LY75: variants seen among roughly 807,000 people sequenced by gnomAD.
LY75 encodes the protein lymphocyte antigen 75, also known as C-type lectin domain family 13 member B.
In LY75, 185 loss-of-function variants were observed where a neutral mutation model predicts 231.7. The observed-to-expected ratio is 0.80, with a 90% CI of 0.71 to 0.90. The LOEUF (loss-of-function observed/expected upper bound fraction) is 0.90, where lower values mean the gene tolerates loss of function less well. Among genes scored for constraint, LY75 ranks in the 40% least tolerant of loss-of-function variants. LY75 has a pLI of 0.00. For synonymous variants in LY75, 668 were observed against 689.0 expected (o/e 0.97, Z 0.48); for missense variants, 1,947 against 2,050.2 (o/e 0.95, Z 0.97).
chr2:159,883,898 C>T (rs184560739), intron 6 of LY75, among the ~76,000 whole-genome samples: 22 of 152,228 alleles, frequency 1.4e-4, no homozygotes, highest in African/African-American at 5.1e-4. Flanking sequence ...GCTTTATTCC[C>T]TTCACTCACA....
chr2:159,872,321 C>T lies in LY75; in HGVS notation c.2117+130G>A, dbSNP rs1043980529. The T allele has an allele frequency of 3.3e-6, 4 of 1,223,550 alleles. No homozygotes were observed. In the African/African-American group the frequency reaches 6.1e-5, roughly 19 times the overall value. The allele number at this position is 1,223,550 out of a possible 1,614,324, so 75.8% of individuals were successfully genotyped here. A position where few individuals can be genotyped will look rare whatever the true frequency, so the allele number is the denominator to read the frequency against. Reference sequence around the variant, plus strand: ...TTAATGTTCCATGACTGCTAAGCACCAAATGACCTTTTAGATAATAAAACA... The same window carrying T: ...TTAATGTTCCATGACTGCTAAGCACTAAATGACCTTTTAGATAATAAAACA... On this transcript the variant is annotated intron_variant, in intron 13 of 34. Transcript: ENST00000263636.
At chr2:159,830,743 G>C (rs1239168927) in intron 28 of LY75, among the ~76,000 whole-genome samples, 1 of 151,948 alleles carries the variant, frequency 6.6e-6, no homozygotes, top group Non-Finnish European at 1.5e-5. Context: ...CACCATGCCT[G>C]GCTAATTTTT....
At chr2:159,880,921 C>A (rs569186261) in intron 8 of LY75, among the ~76,000 whole-genome samples, 162 bp downstream of exon 8, 1 of 152,322 alleles carries the variant, frequency 6.6e-6, no homozygotes, top group East Asian at 1.9e-4. Context: ...TGCTGTGCGG[C>A]CCAATTCTTA....
At chr2:159,887,201 AGAGT>A (rs1329050466) in intron 4 of LY75, among the ~76,000 whole-genome samples, 1 of 123,908 alleles carries the variant, frequency 8.1e-6, no homozygotes, top group Non-Finnish European at 1.7e-5. Context: ...ATACAGAATG[AGAGT>A]GAGAGTCACA....
chr2:159,842,941 T>C (rs1457420396), intron 23 of LY75, among the ~76,000 whole-genome samples: 3 of 146,112 alleles, frequency 2.1e-5, no homozygotes, highest in East Asian at 1.9e-4. Context: ...AGTAAGTTTA[T>C]ACCAGGAGAT....
At chr2:159,855,161 T>G in intron 16 of LY75, among the ~76,000 whole-genome samples, 1 of 152,146 alleles carries the variant, frequency 6.6e-6, no homozygotes, top group East Asian at 1.9e-4. Flanking sequence ...TAAATATTAA[T>G]GAAGTATTTC....
rs1305630484 is a variant in LY75, at chr2:159,864,932, G to A, written c.2118-12C>T. ...GCCAATGCTGGCCACTATGTAAAAA[G>A]CAAGTGTTAAAAATACAGGACAATG... On this transcript the variant is annotated splice_polypyrimidine_tract_variant and intron_variant, in intron 13 of 34. Coordinates refer to ENST00000263636, the MANE Select transcript of LY75 (RefSeq NM_002349.4). 1 of 1,592,270 alleles carries A rather than the reference G, an allele frequency of 6.3e-7. No individual in the cohort carries two copies. The highest frequency in any genetic ancestry group is 8.5e-7 in the Non-Finnish European group (1 of 1,171,334).
chr2:159,852,601 T>C (rs1489379222), intron 20 of LY75, among the ~76,000 whole-genome samples: 1 of 152,004 alleles, frequency 6.6e-6, no homozygotes, highest in African/African-American at 2.4e-5. Flanking sequence ...GTATTTTTAG[T>C]AGAGACAGGG....
At chr2:159,886,299 G>A in intron 5 of LY75, 121 bp downstream of exon 5, 1 of 1,092,408 alleles carries the variant, frequency 9.2e-7, no homozygotes, top group Non-Finnish European at 1.2e-6. Context: ...AAATTCTTCT[G>A]AGAGGTAACC....
chr2:159,849,899 G>C, intron 23 of LY75, 81 bp downstream of exon 23: 20 of 1,523,280 alleles, frequency 1.3e-5, no homozygotes, highest in Non-Finnish European at 1.8e-5. Context: ...ATACAGTGGG[G>C]TTTTGCTTAG....
rs760587004 is a variant in LY75 at position 159,881,196 on chromosome 2, G to GCC, written c.1290_1291insGG (p.Pro431GlyfsTer15). The GCC allele has an allele frequency of 5.0e-6, 8 of 1,613,598 alleles. No individual in the cohort carries two copies. In the Admixed American group the frequency reaches 1.3e-4, roughly 27 times the overall value. On this transcript the variant is annotated frameshift_variant, in exon 8 of 35. Transcript: ENST00000263636. LOFTEE classifies it high-confidence loss of function. ...CCATCTGACCACTGAAATAAAGTTG[G>GCC]TATGTTTATGTTCTTAAGGCCTATC...
rs537750849 is a variant in LY75, at chr2:159,867,793, T to A, written c.2118-2873A>T. 3.9e-5 allele frequency among the ~76,000 whole-genome samples: 6 copies of A among 152,352 alleles called. No homozygotes were observed. The South Asian group carries it at 6.2e-4, about 16-fold the overall frequency. ...AACAAGGCTTTCTTCTCTAATCCTA[T>A]GGCTATTTTTGCCCTACAGTGGCTG... is the stretch of plus-strand genomic sequence containing the variant. On this transcript the variant is annotated intron_variant, in intron 13 of 34. Transcript: ENST00000263636.
chr2:159,818,294 C>G (rs1683183494), intron 29 of LY75, among the ~76,000 whole-genome samples: 1 of 152,148 alleles, frequency 6.6e-6, no homozygotes, highest in African/African-American at 2.4e-5. Context: ...TACCTTGGGC[C>G]AGGTGGCCAG....
chr2:159,823,583 CA>C (rs1483548736), intron 28 of LY75, among the ~76,000 whole-genome samples: 2 of 152,122 alleles, frequency 1.3e-5, no homozygotes, highest in Non-Finnish European at 2.9e-5. Context: ...CACTGAAATT[CA>C]GAAGACACAG....
Position 159,864,855 on chromosome 2 carries a change from C to T in LY75, c.2183G>A (p.Trp728Ter), listed in dbSNP as rs755140611. 1.0e-5 allele frequency: 16 copies of T among 1,603,352 alleles called. No homozygotes were observed. The South Asian group carries it at 1.8e-4, about 18-fold the overall frequency. ...TTAACTTACTGGTGTACGATCACTC[C>T]ATTGCCAGGATCCTTGTAAATCTGG... ...RSPDLQGSWQ[W>*]SDRTPVSTII... The change falls in exon 14 of 35, where the codon TGG becomes TAG. Residue 728 changes from tryptophan (W) to a stop codon, truncating the protein, a stop_gained. Coordinates refer to ENST00000263636, the MANE Select transcript of LY75 (RefSeq NM_002349.4). LOFTEE classifies it high-confidence loss of function.
chr2:159,878,345 TG>T lies in LY75; in HGVS notation c.1752del (p.Asn585ThrfsTer27), dbSNP rs1455317431. 6.2e-7 allele frequency: 1 copy of T among 1,613,922 alleles called. No homozygotes were observed. Among genetic ancestry groups the T allele is most frequent in the Non-Finnish European group, 8.5e-7 (1 of 1,179,930 alleles). ...VGGRRRAVTF[S>X]NWNFLEPASP... is the part of the protein sequence containing the mutation. Reference sequence around the variant, plus strand: ...TCACCTGGCTCAAGAAAATTCCAGTTGGAAAAGGTTACAGCCCGCCTTCTTC... The same window carrying T: ...TCACCTGGCTCAAGAAAATTCCAGTTGAAAAGGTTACAGCCCGCCTTCTTC... On this transcript the variant is annotated frameshift_variant, in exon 11 of 35. Transcript: ENST00000263636. LOFTEE classifies it high-confidence loss of function.
At chr2:159,898,585 C>T in intron 2 of LY75, 103 bp downstream of exon 2, 2 of 1,509,504 alleles carry the variant, frequency 1.3e-6, no homozygotes, top group Non-Finnish European at 1.8e-6. Flanking sequence ...TTACTCACTG[C>T]CCTTACTAAT....
At chr2:159,878,790 T>G (rs1175522024) in intron 9 of LY75, 69 bp from the exon 10 acceptor site, 1 of 1,523,374 alleles carries the variant, frequency 6.6e-7, no homozygotes, top group African/African-American at 1.4e-5. Context: ...GCAAGCATGT[T>G]TCTGCTACAT....
chr2:159,903,772 G>T (rs928329477), intron 1 of LY75, among the ~76,000 whole-genome samples: 1 of 152,150 alleles, frequency 6.6e-6, no homozygotes, highest in African/African-American at 2.4e-5. Flanking sequence ...CACACCCCTC[G>T]CCCAGGCAAA....
Sources: gnomAD v4.1 joint callset for allele counts (sites outside exome capture counted in the v4.1 genomes callset) on GRCh38, gnomAD v4.1.1 for gene constraint, MANE v1.5 for transcripts, NCBI Gene and HGNC (gene_info 2026-07-23, HGNC 2026-07-21) for gene names.